The following SLC25A21 variants were observed in gnomAD, a reference collection of about 807,000 sequenced individuals.
SLC25A21 encodes the protein mitochondrial 2-oxodicarboxylate carrier.
A neutral mutation model predicts 43.8 loss-of-function variants in SLC25A21; 47 were observed. The observed-to-expected ratio is 1.07, with a 90% CI of 0.85 to 1.37. SLC25A21 has a LOEUF of 1.37. Among genes scored for constraint, SLC25A21 ranks in the 40% most tolerant of loss-of-function variants. The pLI is 0.00. For synonymous variants in SLC25A21, 131 were observed against 121.3 expected (o/e 1.08, Z -0.52); for missense variants, 352 against 350.2 (o/e 1.00, Z -0.04).
At chr14:37,097,859 G>A (rs1962731069) in intron 1 of SLC25A21, 1 of 149,104 alleles carries the variant, frequency 6.7e-6, no homozygotes, top group Admixed American at 6.8e-5. Context: ...ACTTCAGCCT[G>A]GGCAACAAGA....
intron 1 of SLC25A21, among the ~76,000 whole-genome samples, chr14:36,985,683 C>G (rs1960131184): frequency 6.6e-6 from 1 of 152,110 alleles, no homozygotes; most frequent in South Asian, 2.1e-4. Flanking sequence ...ATTGCTGTTT[C>G]TTCATTTAAT....
chr14:36,800,187 A>G (rs1447767529), intron 3 of SLC25A21, among the ~76,000 whole-genome samples: 1 of 152,156 alleles, frequency 6.6e-6, no homozygotes, highest in South Asian at 2.1e-4. Flanking sequence ...TAAACATAGA[A>G]TTATCATATG....
intron 1 of SLC25A21, among the ~76,000 whole-genome samples, chr14:37,010,471 T>C (rs1340745581): frequency 6.6e-6 from 1 of 152,140 alleles, no homozygotes; most frequent in Non-Finnish European, 1.5e-5. Flanking sequence ...ACAATTACAC[T>C]CCTGGGTGTA....
At chr14:37,019,599 A>ATG (rs2138751638) in intron 1 of SLC25A21, among the ~76,000 whole-genome samples, 1 of 151,970 alleles carries the variant, frequency 6.6e-6, no homozygotes, top group South Asian at 2.1e-4. Flanking sequence ...ATTTAAGGAA[A>ATG]TGTGTTAGGA....
At chr14:37,054,794 C>G (rs917832341) in intron 1 of SLC25A21, among the ~76,000 whole-genome samples, 6 of 152,148 alleles carry the variant, frequency 3.9e-5, no homozygotes, top group South Asian at 2.1e-4. Context: ...TTAAATAAAA[C>G]AATTTCTGAT....
chr14:37,098,766 C>CAGATAGATAGAT (rs1566880347), intron 1 of SLC25A21, among the ~76,000 whole-genome samples: 1 of 102,588 alleles, frequency 9.7e-6, no homozygotes, highest in African/African-American at 3.9e-5. Flanking sequence ...GACAGACAGA[C>CAGATAGATAGAT]AGACAGACAG....
chr14:36,890,974 C>T (rs917853673), intron 1 of SLC25A21, among the ~76,000 whole-genome samples: 1 of 152,148 alleles, frequency 6.6e-6, no homozygotes, highest in Admixed American at 6.5e-5. Context: ...AGACGGGTTA[C>T]TTTTCTAAGA....
chr14:37,014,436 A>G (rs905919253), intron 1 of SLC25A21, among the ~76,000 whole-genome samples: 1 of 152,148 alleles, frequency 6.6e-6, no homozygotes, highest in African/African-American at 2.4e-5. Context: ...TTGCTCATCC[A>G]TAAGAAGCAA....
chr14:37,043,893 T>A (rs1462836333), intron 1 of SLC25A21, among the ~76,000 whole-genome samples: 1 of 151,796 alleles, frequency 6.6e-6, no homozygotes, highest in Admixed American at 6.6e-5. Flanking sequence ...CACCATCATG[T>A]CTGGCTACAT....
intron 1 of SLC25A21, among the ~76,000 whole-genome samples, chr14:36,976,484 A>G (rs748945330): frequency 6.6e-6 from 1 of 152,174 alleles, no homozygotes; most frequent in East Asian, 1.9e-4. Context: ...CATTTTAGGC[A>G]TCACTGAAAT....
chr14:37,061,244 T>G (rs1961942174), intron 1 of SLC25A21, among the ~76,000 whole-genome samples: 1 of 152,092 alleles, frequency 6.6e-6, no homozygotes. Context: ...GTTCCACAAA[T>G]AAAGCACATT....
At chr14:36,697,433 T>A (rs577178356) in intron 7 of SLC25A21, among the ~76,000 whole-genome samples, 5 of 152,258 alleles carry the variant, frequency 3.3e-5, no homozygotes, top group African/African-American at 1.2e-4. Context: ...AGTCTGCTTG[T>A]TGCAGAGCTG....
At chr14:36,850,330 A>C (rs979601005) in intron 2 of SLC25A21, among the ~76,000 whole-genome samples, 1 of 152,186 alleles carries the variant, frequency 6.6e-6, no homozygotes, top group Non-Finnish European at 1.5e-5. Flanking sequence ...CTATTCTATG[A>C]GGTAGATATG....
intron 7 of SLC25A21, among the ~76,000 whole-genome samples, chr14:36,685,163 A>C (rs1437013986): frequency 1.3e-5 from 2 of 152,236 alleles, no homozygotes; most frequent in African/African-American, 4.8e-5. Flanking sequence ...CAGGATTTAT[A>C]AACACAGTTC....
Position 36,991,264 on chromosome 14 carries a change from A to G in SLC25A21, c.71-116260T>C, listed in dbSNP as rs116444219. On this transcript the variant is annotated intron_variant, in intron 1 of 9. Transcript: ENST00000331299. Reference sequence around the variant, plus strand: ...GAATAACATTCAACAGAATGGGAGGACTGTTAATGGTGACCACCCGATTCA... The same window carrying G: ...GAATAACATTCAACAGAATGGGAGGGCTGTTAATGGTGACCACCCGATTCA... Among the ~76,000 whole-genome samples the G allele has an allele frequency of 5.2e-3, 796 of 152,236 alleles. 9 individuals are homozygous for G. Among genetic ancestry groups the G allele is most frequent in the African/African-American group, 0.018 (765 of 41,530 alleles).
intron 1 of SLC25A21, among the ~76,000 whole-genome samples, chr14:36,963,103 A>C (rs973858088): frequency 6.6e-6 from 1 of 152,174 alleles, no homozygotes; most frequent in East Asian, 1.9e-4. Flanking sequence ...AAGAGGTTGA[A>C]AGTCAAAATG....
intron 2 of SLC25A21, among the ~76,000 whole-genome samples, chr14:36,860,682 T>A (rs898963651): frequency 6.6e-6 from 1 of 152,210 alleles, no homozygotes; most frequent in Non-Finnish European, 1.5e-5. Context: ...GTCAAACTTT[T>A]TTCTAACGCG....
At chr14:36,835,644 G>A (rs553858246) in intron 2 of SLC25A21, among the ~76,000 whole-genome samples, 1 of 152,090 alleles carries the variant, frequency 6.6e-6, no homozygotes, top group Non-Finnish European at 1.5e-5. Context: ...AACACACAAG[G>A]ACCCTAATAT....
intron 1 of SLC25A21, among the ~76,000 whole-genome samples, chr14:36,908,565 C>T (rs2138608345): frequency 6.6e-6 from 1 of 152,314 alleles, no homozygotes; most frequent in East Asian, 1.9e-4. Context: ...TGATTTCCAT[C>T]CTATCCAATA....
Sources: gnomAD v4.1 joint callset for allele counts (sites outside exome capture counted in the v4.1 genomes callset) on GRCh38, gnomAD v4.1.1 for gene constraint, MANE v1.5 for transcripts, NCBI Gene and HGNC (gene_info 2026-07-23, HGNC 2026-07-21) for gene names.